Variants in ST6GALNAC3 observed in about 807,000 individuals in gnomAD.
ST6GALNAC3 encodes the protein alpha-N-acetylgalactosaminide alpha-2,6-sialyltransferase 3.
Under a neutral mutation model 32.7 loss-of-function variants are expected in ST6GALNAC3, and 25 were observed. The ratio of observed to expected loss-of-function variants is 0.76; its 90% CI spans 0.56 to 1.07. The LOEUF is 1.07. Ranked by LOEUF, ST6GALNAC3 falls within the 50% of genes least tolerant of loss-of-function variation. The pLI is 0.00. For missense variants in ST6GALNAC3, 355 were observed against 382.4 expected (o/e 0.93, Z 0.60); for synonymous variants, 129 against 133.1 (o/e 0.97, Z 0.21).
intron 1 of ST6GALNAC3, among the ~76,000 whole-genome samples, chr1:76,130,730 T>G (rs1224410043): frequency 6.6e-6 from 1 of 152,174 alleles, no homozygotes; most frequent in Non-Finnish European, 1.5e-5. Flanking sequence ...AGATGTTCAG[T>G]CTCCACCAGA....
chr1:76,239,714 A>T (rs150563205), intron 1 of ST6GALNAC3, among the ~76,000 whole-genome samples: 1 of 152,184 alleles, frequency 6.6e-6, no homozygotes, highest in Admixed American at 6.5e-5. Context: ...AACATCAGGG[A>T]TCACATTTCA....
At chr1:76,389,550 T>C (rs1316124479) in intron 2 of ST6GALNAC3, among the ~76,000 whole-genome samples, 1 of 152,216 alleles carries the variant, frequency 6.6e-6, no homozygotes, top group African/African-American at 2.4e-5. Flanking sequence ...ATATGTCTTG[T>C]GAGAATATGA....
intron 3 of ST6GALNAC3, among the ~76,000 whole-genome samples, chr1:76,451,143 A>G (rs1040091945): frequency 6.6e-5 from 10 of 152,238 alleles, no homozygotes; most frequent in African/African-American, 1.9e-4. Flanking sequence ...TTTTAGCGGT[A>G]TGGTCATTTT....
At chr1:76,185,717 A>G (rs1653510170) in intron 1 of ST6GALNAC3, among the ~76,000 whole-genome samples, 1 of 152,200 alleles carries the variant, frequency 6.6e-6, no homozygotes, top group Non-Finnish European at 1.5e-5. Context: ...AGAGACGAAC[A>G]GACCAGACAT....
At chr1:76,469,961 A>G (rs1195992089) in intron 3 of ST6GALNAC3, among the ~76,000 whole-genome samples, 1 of 152,010 alleles carries the variant, frequency 6.6e-6, no homozygotes. Flanking sequence ...GTGAAACTAT[A>G]TTTGTTTTTT....
At chr1:76,456,094 C>T (rs1256032159) in intron 3 of ST6GALNAC3, among the ~76,000 whole-genome samples, 2 of 152,158 alleles carry the variant, frequency 1.3e-5, no homozygotes, top group East Asian at 1.9e-4. Context: ...ATTGCTTGAA[C>T]CCACGAGGTT....
intron 2 of ST6GALNAC3, among the ~76,000 whole-genome samples, chr1:76,369,914 C>T (rs1165445728): frequency 6.6e-6 from 1 of 152,176 alleles, no homozygotes; most frequent in African/African-American, 2.4e-5. Context: ...ATGCTGCTTT[C>T]TCTATTCAAA....
Position 76,412,264 on chromosome 1 carries a change from C to A in ST6GALNAC3, c.470C>A (p.Pro157His), listed in dbSNP as rs1242350045. Residue 157 changes from proline to histidine, a missense_variant, in exon 3 of 5, where the codon CCT (proline) becomes CAT (histidine). Transcript: ENST00000328299. Reference sequence around the variant, plus strand: ...ACTACTATTTATGTTATTTGGGGACCTTTCCGCAATATGAGGAAAGATGGC... The same window carrying A: ...ACTACTATTTATGTTATTTGGGGACATTTCCGCAATATGAGGAAAGATGGC... ...ANTTIYVIWG[P>H]FRNMRKDGNG... 2 of 1,613,558 alleles carry A rather than the reference C, an allele frequency of 1.2e-6. No homozygotes were observed. Among genetic ancestry groups the A allele is most frequent in the Non-Finnish European group, 8.5e-7 (1 of 1,179,770 alleles).
chr1:76,256,250 C>G (rs1312653903), intron 1 of ST6GALNAC3, among the ~76,000 whole-genome samples: 1 of 152,160 alleles, frequency 6.6e-6, no homozygotes, highest in Admixed American at 6.6e-5. Flanking sequence ...TTCCTTCTCT[C>G]TCTCCAATTC....
chr1:76,434,544 A>G (rs1030723263), intron 3 of ST6GALNAC3, among the ~76,000 whole-genome samples: 2 of 152,218 alleles, frequency 1.3e-5, no homozygotes, highest in Admixed American at 6.5e-5. Flanking sequence ...AGGAATGTAG[A>G]CATATTAACA....
At chr1:76,184,100 T>A (rs2100474186) in intron 1 of ST6GALNAC3, among the ~76,000 whole-genome samples, 1 of 152,198 alleles carries the variant, frequency 6.6e-6, no homozygotes, top group South Asian at 2.1e-4. Flanking sequence ...AATTTCCTTA[T>A]TTTAGTTCAT....
intron 3 of ST6GALNAC3, among the ~76,000 whole-genome samples, chr1:76,459,054 C>T (rs944460612): frequency 2.6e-5 from 4 of 151,970 alleles, no homozygotes; most frequent in African/African-American, 4.8e-5. Context: ...ATGTGTATTC[C>T]TTTTGGGATT....
chr1:76,585,182 C>T (rs1348637837), intron 3 of ST6GALNAC3, among the ~76,000 whole-genome samples: 3 of 151,978 alleles, frequency 2.0e-5, no homozygotes, highest in Non-Finnish European at 4.4e-5. Flanking sequence ...GTCAGGAGTT[C>T]GAGACCATCC....
chr1:76,273,689 A>T (rs1658978938), intron 1 of ST6GALNAC3, among the ~76,000 whole-genome samples: 1 of 152,262 alleles, frequency 6.6e-6, no homozygotes, highest in South Asian at 2.1e-4. Context: ...TATTAACATA[A>T]CGTGGCATAT....
At position 76,279,669 on chromosome 1, in the gene ST6GALNAC3, G is replaced by A. The variant is rs552508027; in HGVS notation, c.19-34136G>A. On this transcript the variant is annotated intron_variant, in intron 1 of 4. Transcript: ENST00000328299. ...GTGTCTGCCGGCAGCTGCCGGAGGCGGAAGTGGCGTCCATGGTAGCCACTT... is the reference window on the plus strand; with the variant it reads ...GTGTCTGCCGGCAGCTGCCGGAGGCAGAAGTGGCGTCCATGGTAGCCACTT... Among the ~76,000 whole-genome samples the A allele has an allele frequency of 2.0e-5, 3 of 152,278 alleles. No individual in the cohort carries two copies. In the East Asian group the frequency reaches 5.8e-4, roughly 30 times the overall value.
intron 3 of ST6GALNAC3, among the ~76,000 whole-genome samples, chr1:76,426,742 A>T (rs953795435): frequency 2.0e-5 from 3 of 151,972 alleles, no homozygotes; most frequent in African/African-American, 7.2e-5. Context: ...GACATGCAGT[A>T]GTTTACCTAA....
At chr1:76,501,738 C>T (rs535653017) in intron 3 of ST6GALNAC3, among the ~76,000 whole-genome samples, 2 of 152,266 alleles carry the variant, frequency 1.3e-5, no homozygotes, top group South Asian at 2.1e-4. Flanking sequence ...GAAGAGGAAG[C>T]GGTGTTTAAT....
At chr1:76,471,879 T>C (rs75879593) in intron 3 of ST6GALNAC3, among the ~76,000 whole-genome samples, 2 of 151,926 alleles carry the variant, frequency 1.3e-5, no homozygotes, top group Non-Finnish European at 2.9e-5. Context: ...TTTTTTTTTT[T>C]AACAACAGGG....
intron 2 of ST6GALNAC3, among the ~76,000 whole-genome samples, chr1:76,336,244 A>G (rs1385215268): frequency 2.0e-5 from 3 of 152,300 alleles, no homozygotes; most frequent in East Asian, 3.9e-4. Flanking sequence ...ATTTTTTGGC[A>G]TTATTTCAAT....
Sources: gnomAD v4.1 joint callset for allele counts (sites outside exome capture counted in the v4.1 genomes callset) on GRCh38, gnomAD v4.1.1 for gene constraint, MANE v1.5 for transcripts, NCBI Gene and HGNC (gene_info 2026-07-23, HGNC 2026-07-21) for gene names.